ARHGAP21: variants seen among roughly 807,000 people sequenced by gnomAD.
ARHGAP21 encodes Rho GTPase activating protein 21, also known as rho GTPase-activating protein 21.
Under a neutral mutation model 164.6 loss-of-function variants are expected in ARHGAP21, and 38 were observed. The observed-to-expected ratio is 0.23, with a 90% CI of 0.18 to 0.30. The LOEUF (loss-of-function observed/expected upper bound fraction) is 0.30, where lower values mean the gene tolerates loss of function less well. ARHGAP21 is among the 10% of genes least tolerant of loss of function. The probability of loss-of-function intolerance (pLI) is 1.00; values close to 1 mark genes in which losing one functional copy is unlikely to be tolerated. For missense variants in ARHGAP21, 1,822 were observed against 2,370.7 expected, an observed-to-expected ratio of 0.77 and a Z score of 4.81; for synonymous variants, 766 against 857.9, an observed-to-expected ratio of 0.89 and a Z score of 1.87.
At chr10:24,704,246 T>C (rs955839425) in intron 2 of ARHGAP21, among the ~76,000 whole-genome samples, 6 of 151,938 alleles carry the variant, frequency 3.9e-5, no homozygotes, top group Non-Finnish European at 8.8e-5. Flanking sequence ...GGAGATGTCA[T>C]ATGCCATTTT....
In ARHGAP21 at chr10:24,583,963, T is replaced by C. The variant is rs1372163352; in HGVS notation, c.*449A>G. 1.3e-5 allele frequency: 2 copies of C among 152,660 alleles called. No individual in the cohort carries two copies. Among genetic ancestry groups the C allele is most frequent in the African/African-American group, 4.8e-5 (2 of 41,462 alleles). The allele number at this position is 152,660 out of a possible 1,614,324, so 9.5% of individuals were successfully genotyped here. A position where few individuals can be genotyped will look rare whatever the true frequency, so the allele number is the denominator to read the frequency against. On this transcript the variant is annotated 3_prime_UTR_variant, in exon 26 of 26. Transcript: ENST00000396432. ...CTGTATCCACCTGTGTTAAAACTGG[T>C]AAATGTAATGATATCTGTTACCAAT...
At chr10:24,669,728 T>C (rs1308113784) in intron 3 of ARHGAP21, among the ~76,000 whole-genome samples, 1 of 152,226 alleles carries the variant, frequency 6.6e-6, no homozygotes, top group African/African-American at 2.4e-5. Context: ...GCTGTGTTAC[T>C]GTCCACTGAA....
rs2076304562 is a variant in ARHGAP21 at position 24,590,994 on chromosome 10, C to CATAGTTCCA, written c.4150+222_4150+230dup. ...CAGTGGTTTGCATGCTCATTTCCCTCATAGTTCCATTCTGACAAACATTAC... is the reference window on the plus strand; with the variant it reads ...CAGTGGTTTGCATGCTCATTTCCCTCATAGTTCCAATAGTTCCATTCTGACAAACATTAC... On this transcript the variant is annotated intron_variant, in intron 24 of 25. Coordinates refer to ENST00000396432, the MANE Select transcript of ARHGAP21 (RefSeq NM_020824.4). 1.4e-5 allele frequency: 12 copies of CATAGTTCCA among 847,864 alleles called. No homozygotes were observed. In the South Asian group the frequency reaches 6.5e-4, roughly 46 times the overall value. 52.5% of individuals were successfully genotyped at this position (847,864 alleles called of 1,614,324 possible).
At chr10:24,588,406 C>A (rs1268986639) in intron 25 of ARHGAP21, among the ~76,000 whole-genome samples, 1 of 151,536 alleles carries the variant, frequency 6.6e-6, no homozygotes, top group Admixed American at 6.6e-5. Context: ...GATTTGGGTG[C>A]TATTATTTTA....
chr10:24,668,907 CAAAACAAAACA>C (rs922160402), intron 3 of ARHGAP21, among the ~76,000 whole-genome samples: 11 of 151,966 alleles, frequency 7.2e-5, no homozygotes, highest in African/African-American at 2.4e-4. Flanking sequence ...AGCTCTTATT[CAAAACAAAACA>C]AAAACAAAAA....
intron 21 of ARHGAP21, among the ~76,000 whole-genome samples, chr10:24,593,824 C>T (rs1157651778): frequency 6.6e-6 from 1 of 151,888 alleles, no homozygotes; most frequent in African/African-American, 2.4e-5. Flanking sequence ...AACTCTTTGG[C>T]TCCTACAGTA....
intron 2 of ARHGAP21, among the ~76,000 whole-genome samples, chr10:24,675,456 T>C (rs76597968): frequency 5.9e-5 from 9 of 152,162 alleles, no homozygotes; most frequent in African/African-American, 2.2e-4. Context: ...TGAAGCAGCA[T>C]GAGGAAATGT....
intron 25 of ARHGAP21, among the ~76,000 whole-genome samples, chr10:24,587,291 G>C (rs1370114273): frequency 6.6e-6 from 1 of 151,974 alleles, no homozygotes; most frequent in Non-Finnish European, 1.5e-5. Context: ...AGATATAATA[G>C]GTTCTTGATT....
At position 24,661,057 on chromosome 10, in the gene ARHGAP21, T is replaced by A. The variant is rs997597172; in HGVS notation, c.268+5928A>T. 1.3e-4 allele frequency among the ~76,000 whole-genome samples: 19 copies of A among 151,846 alleles called. 1 individual carries two copies. Among genetic ancestry groups the A allele is most frequent in the Admixed American group, 1.1e-3 (17 of 15,228 alleles). On this transcript the variant is annotated intron_variant, in intron 4 of 25. Transcript: ENST00000396432. Reference sequence around the variant, plus strand: ...CTGAAGCTGGCTGCTACCATCCCACTATTCTTATTTTGATTATTTATATTC... The same window carrying A: ...CTGAAGCTGGCTGCTACCATCCCACAATTCTTATTTTGATTATTTATATTC...
chr10:24,669,802 T>G (rs2131769317), intron 3 of ARHGAP21, among the ~76,000 whole-genome samples: 1 of 152,360 alleles, frequency 6.6e-6, no homozygotes, highest in East Asian at 1.9e-4. Context: ...GCCATCATAT[T>G]ACATATCTGA....
chr10:24,602,097 C>T lies in ARHGAP21; in HGVS notation c.2728G>A (p.Asp910Asn), dbSNP rs2076836791. Reference sequence around the variant, plus strand: ...GAGTCTTCTGATGACTTTTGGCTGTCTGCGATCTATAGAAAAGACCAAGAA... The same window carrying T: ...GAGTCTTCTGATGACTTTTGGCTGTTTGCGATCTATAGAAAAGACCAAGAA... The part of the protein sequence containing the change: ...VSSLKGIKIA[D>N]SQKSSEDSGS... Residue 910 changes from aspartate to asparagine, a missense_variant, in exon 13 of 26, where the codon GAC becomes AAC. Coordinates refer to ENST00000396432, the MANE Select transcript of ARHGAP21 (RefSeq NM_020824.4). 2.5e-6 allele frequency: 4 copies of T among 1,612,868 alleles called. No homozygotes were observed. In the East Asian group the frequency reaches 8.9e-5, roughly 36 times the overall value.
intron 4 of ARHGAP21, among the ~76,000 whole-genome samples, chr10:24,643,494 A>G (rs1283012516): frequency 1.3e-5 from 2 of 152,326 alleles, no homozygotes; most frequent in African/African-American, 2.4e-5. Context: ...CCATTCTTCT[A>G]AACTATCAGT....
At chr10:24,650,181 A>C (rs181513200) in intron 4 of ARHGAP21, among the ~76,000 whole-genome samples, 1 of 152,192 alleles carries the variant, frequency 6.6e-6, no homozygotes, top group African/African-American at 2.4e-5. Flanking sequence ...TATTTCACAG[A>C]AAAAAGGAGA....
In ARHGAP21 at chr10:24,591,682, T is replaced by C. The variant is rs1460146083; in HGVS notation, c.4004A>G (p.His1335Arg). ...ACCTTCTTCTGTGAAAAACCAGTCA[T>C]GCTAAAATTTAAAAAAGGTGAGAAG... ...YKIVETLIQH[H>R]DWFFTEEGAE... is the part of the protein sequence containing the mutation. The change falls in exon 23 of 26, where the codon CAT becomes CGT. Residue 1335 changes from histidine (H) to arginine (R), a missense_variant and splice_region_variant. This residue lies in a region of ARHGAP21 where 117 missense variants were observed against 238.1 expected (regional missense o/e 0.49). Coordinates refer to ENST00000396432, the MANE Select transcript of ARHGAP21 (RefSeq NM_020824.4). The C allele has an allele frequency of 1.9e-6, 3 of 1,613,866 alleles. No individual in the cohort carries two copies. Among genetic ancestry groups the C allele is most frequent in the Non-Finnish European group, 2.5e-6 (3 of 1,179,946 alleles).
chr10:24,671,723 A>AT (rs35051359), intron 2 of ARHGAP21, among the ~76,000 whole-genome samples: 4,775 of 140,128 alleles, frequency 0.034, 236 homozygotes, highest in African/African-American at 0.11. Context: ...TCTTAACAAA[A>AT]TTTTTTTTTT....
intron 7 of ARHGAP21, among the ~76,000 whole-genome samples, chr10:24,623,967 C>T (rs531394851): frequency 9.9e-4 from 150 of 152,178 alleles, no homozygotes; most frequent in Non-Finnish European, 1.9e-3. Flanking sequence ...TAGAAGTATA[C>T]GGCTGGAACT....
intron 11 of ARHGAP21, among the ~76,000 whole-genome samples, chr10:24,606,364 G>C (rs1156365382): frequency 6.6e-6 from 1 of 151,994 alleles, no homozygotes; most frequent in African/African-American, 2.4e-5. Context: ...ATAGAAAATA[G>C]TCAAAAAATA....
At chr10:24,651,213 A>C (rs1490317437) in intron 4 of ARHGAP21, among the ~76,000 whole-genome samples, 1 of 152,194 alleles carries the variant, frequency 6.6e-6, no homozygotes, top group African/African-American at 2.4e-5. Flanking sequence ...CACAGAGGCC[A>C]CATTTCCCCA....
chr10:24,695,050 C>CAAAAAAAAAAAAAAAAAAAAAAA (rs570457905), intron 2 of ARHGAP21, among the ~76,000 whole-genome samples: 7 of 78,504 alleles, frequency 8.9e-5, no homozygotes, highest in South Asian at 5.6e-4. Context: ...AATTCCATCT[C>CAAAAAAAAAAAAAAAAAAAAAAA]AAAAAAAAAA....
Sources: allele counts gnomAD v4.1 joint callset (sites outside exome capture counted in the v4.1 genomes callset), GRCh38; gene constraint gnomAD v4.1.1; regional missense constraint gnomAD v4.1.1; transcripts MANE v1.5; gene names NCBI Gene and HGNC (gene_info 2026-07-23, HGNC 2026-07-21).